The following UTP20 variants were observed in gnomAD, a reference collection of about 807,000 sequenced individuals.
UTP20 encodes the protein UTP20 small subunit processome component.
In UTP20, 164 loss-of-function variants were observed where a neutral mutation model predicts 329.5. The observed-to-expected ratio is 0.50, with a 90% confidence interval of 0.44 to 0.57. The LOEUF (loss-of-function observed/expected upper bound fraction) is 0.57, where lower values mean the gene tolerates loss of function less well. Ranked by LOEUF, UTP20 falls within the 20% of genes least tolerant of loss-of-function variation. The pLI, the probability that UTP20 is intolerant of heterozygous loss-of-function variation, is 0.00. For missense variants in UTP20, 3,055 were observed against 3,284.2 expected (o/e 0.93, Z 1.71); for synonymous variants, 1,151 against 1,159.3 (o/e 0.99, Z 0.14).
chr12:101,373,066 AT>A, intron 52 of UTP20, 103 bp downstream of exon 52: 1 of 952,670 alleles, frequency 1.0e-6, no homozygotes, highest in Non-Finnish European at 1.7e-6. Context: ...ATAATGGTAC[AT>A]TCTCTGAGCA....
At position 101,362,024 on chromosome 12, in the gene UTP20, C is replaced by T. The variant is rs758181916; in HGVS notation, c.5754C>T (p.Val1918=). 53 of 1,613,292 alleles carry T rather than the reference C, an allele frequency of 3.3e-5. No homozygotes were observed. Among genetic ancestry groups the T allele is most frequent in the East Asian group, 4.5e-5 (2 of 44,870 alleles). The part of the protein sequence containing the change: ...LLQGLTNKLQ[V]GDLDSCLDIM... ...AAGGCCTCACCAATAAGCTGCAGGT[C>T]GGAGATTTGGACTCTTGTTTAGATA... Residue 1918 remains valine (V), a synonymous_variant, in exon 44 of 62, where the codon GTC becomes GTT. Coordinates refer to ENST00000261637, the MANE Select transcript of UTP20 (RefSeq NM_014503.3).
intron 2 of UTP20, among the ~76,000 whole-genome samples, chr12:101,284,204 A>G (rs1024788222): frequency 5.9e-5 from 9 of 152,126 alleles, no homozygotes; most frequent in African/African-American, 1.9e-4. Flanking sequence ...GGTAGTGAGC[A>G]TAGTACCCCA....
chr12:101,351,426 G>A (rs182140210), intron 38 of UTP20, among the ~76,000 whole-genome samples: 4 of 151,624 alleles, frequency 2.6e-5, no homozygotes, highest in Admixed American at 6.6e-5. Context: ...CGCCTGGTCC[G>A]TTTCATGTAT....
intron 32 of UTP20, among the ~76,000 whole-genome samples, 192 bp downstream of exon 32, chr12:101,340,802 G>A (rs1404444092): frequency 6.6e-6 from 1 of 152,080 alleles, no homozygotes; most frequent in Non-Finnish European, 1.5e-5. Context: ...AATGGGGGCA[G>A]GCAAGAAAGC....
chr12:101,325,692 ACTTTT>A (rs1868531117), intron 25 of UTP20, among the ~76,000 whole-genome samples: 1 of 152,226 alleles, frequency 6.6e-6, no homozygotes, highest in South Asian at 2.1e-4. Context: ...TGAACTAGCT[ACTTTT>A]CTTATTTGTA....
chr12:101,356,752 T>G (rs1869736805), intron 42 of UTP20, 59 bp downstream of exon 42: 8 of 1,561,760 alleles, frequency 5.1e-6, no homozygotes, highest in Non-Finnish European at 6.1e-6. Context: ...CTTTTCTTCC[T>G]TACTTTTGAG....
At chr12:101,289,078 C>T in intron 6 of UTP20, 37 bp downstream of exon 6, 1 of 1,570,006 alleles carries the variant, frequency 6.4e-7, no homozygotes, top group Non-Finnish European at 8.8e-7. Context: ...TGCTAATCAT[C>T]AAGAATCTGA....
At chr12:101,292,186 T>A in intron 10 of UTP20, 82 bp downstream of exon 10, 1 of 1,451,760 alleles carries the variant, frequency 6.9e-7, no homozygotes, top group East Asian at 2.3e-5. Context: ...ACAAGTGAAG[T>A]GTGACAAAGG....
intron 29 of UTP20, among the ~76,000 whole-genome samples, chr12:101,335,268 T>G (rs994404614): frequency 6.9e-6 from 1 of 145,456 alleles, no homozygotes; most frequent in Non-Finnish European, 1.5e-5. Context: ...GTATTACAGC[T>G]AAAACTAATA....
chr12:101,319,480 G>A (rs1873078674), intron 22 of UTP20, 65 bp from the exon 23 acceptor site: 1 of 1,240,894 alleles, frequency 8.1e-7, no homozygotes, highest in Non-Finnish European at 1.1e-6. Context: ...AATTGTAGAT[G>A]TCAGTTTAAG....
intron 35 of UTP20, among the ~76,000 whole-genome samples, chr12:101,343,950 A>G (rs1486065623): frequency 6.6e-6 from 1 of 152,228 alleles, no homozygotes; most frequent in African/African-American, 2.4e-5. Context: ...GAATATATTA[A>G]GTGCTATGTT....
intron 12 of UTP20, among the ~76,000 whole-genome samples, chr12:101,299,436 A>G (rs974913001): frequency 6.6e-6 from 1 of 152,226 alleles, no homozygotes; most frequent in African/African-American, 2.4e-5. Context: ...ACTTAAAACT[A>G]GAAGAAACTT....
intron 25 of UTP20, among the ~76,000 whole-genome samples, chr12:101,323,876 C>T (rs958870180): frequency 4.6e-5 from 7 of 152,146 alleles, no homozygotes; most frequent in African/African-American, 1.4e-4. Flanking sequence ...TGGTGGCTTA[C>T]GCATGTAATC....
intron 48 of UTP20, among the ~76,000 whole-genome samples, chr12:101,368,880 C>A (rs1236872813): frequency 2.0e-5 from 3 of 150,972 alleles, no homozygotes; most frequent in African/African-American, 7.4e-5. Flanking sequence ...TTTCCGACTC[C>A]CAAGCTCGCT....
At position 101,352,166 on chromosome 12, in the gene UTP20, G is replaced by A. The variant is rs77578150; in HGVS notation, c.4996G>A (p.Gly1666Arg). Residue 1666 changes from glycine (G) to arginine (R), a missense_variant, in exon 39 of 62, where the codon GGA becomes AGA. By Grantham distance (125) the Gly-to-Arg change is moderately radical. Transcript: ENST00000261637. ...ACATTTCATTCATGTCTTACAAACG[G>A]GACAGATCAATCAAAAACTGGGTGT... ...LKHFIHVLQT[G>R]QINQKLGVSL... 2.8e-4 allele frequency: 449 copies of A among 1,610,112 alleles called. 1 individual carries two copies. The African/African-American group carries it at 5.5e-3, about 20-fold the overall frequency.
At position 101,358,349 on chromosome 12, in the gene UTP20, G is replaced by A. The variant is rs142493012; in HGVS notation, c.5691+1267G>A. Among the ~76,000 whole-genome samples the A allele has an allele frequency of 2.4e-4, 37 of 152,206 alleles. No homozygotes were observed. The East Asian group carries it at 6.0e-3, about 25-fold the overall frequency. Reference sequence around the variant, plus strand: ...TAGCTCTTTATGTATTAACGTCTCCGTATACTGAAAACTTCATTAGGCAAT... The same window carrying A: ...TAGCTCTTTATGTATTAACGTCTCCATATACTGAAAACTTCATTAGGCAAT... On this transcript the variant is annotated intron_variant, in intron 43 of 61. Transcript: ENST00000261637.
chr12:101,359,493 G>GTA (rs61140205), intron 43 of UTP20, among the ~76,000 whole-genome samples: 3 of 120,694 alleles, frequency 2.5e-5, no homozygotes, highest in East Asian at 4.3e-4. Context: ...GTGTATGTAT[G>GTA]TGTGTGTGTA....
chr12:101,298,016 A>G (rs910162762), intron 12 of UTP20, among the ~76,000 whole-genome samples: 2 of 150,486 alleles, frequency 1.3e-5, no homozygotes, highest in South Asian at 2.1e-4. Context: ...GATTCCTTCT[A>G]TGAAGATTTT....
At chr12:101,308,052 G>A (rs1358653116) in intron 17 of UTP20, 133 bp from the exon 18 acceptor site, 2 of 735,636 alleles carry the variant, frequency 2.7e-6, no homozygotes, top group Non-Finnish European at 3.8e-6. Context: ...AAAAAAAAAA[G>A]TGTTACTTAT....
Sources: gnomAD v4.1 joint callset for allele counts (sites outside exome capture counted in the v4.1 genomes callset) on GRCh38, gnomAD v4.1.1 for gene constraint, MANE v1.5 for transcripts, NCBI Gene and HGNC (gene_info 2026-07-23, HGNC 2026-07-21) for gene names.